Variants in PDE9A observed in about 807,000 individuals in gnomAD.
The protein encoded by PDE9A is phosphodiesterase 9A.
Under a neutral mutation model 87.4 loss-of-function variants are expected in PDE9A, and 60 were observed. That is an observed-to-expected ratio of 0.69 (90% confidence interval 0.56 to 0.85). The LOEUF is 0.85. Among genes scored for constraint, PDE9A ranks in the 40% least tolerant of loss-of-function variants. PDE9A has a pLI of 0.00. For missense variants in PDE9A, 665 were observed against 779.0 expected (o/e 0.85, Z 1.74); for synonymous variants, 272 against 279.4 (o/e 0.97, Z 0.27).
chr21:42,724,230 C>T (rs2050806815), intron 4 of PDE9A, among the ~76,000 whole-genome samples: 1 of 152,130 alleles, frequency 6.6e-6, no homozygotes, highest in Non-Finnish European at 1.5e-5. Context: ...GTGGTGGAAG[C>T]AGGAAGGGGA....
intron 4 of PDE9A, among the ~76,000 whole-genome samples, chr21:42,728,602 A>G (rs1364421395): frequency 6.6e-6 from 1 of 152,112 alleles, no homozygotes; most frequent in East Asian, 1.9e-4. Context: ...TTGCTATTTC[A>G]TTAGTGATTT....
chr21:42,744,664 G>A (rs1246780267), intron 8 of PDE9A, among the ~76,000 whole-genome samples: 1 of 152,166 alleles, frequency 6.6e-6, no homozygotes, highest in Non-Finnish European at 1.5e-5. Flanking sequence ...GGCCCAGTGA[G>A]CTGTGACTCG....
At chr21:42,772,551 A>C in intron 19 of PDE9A, 31 bp downstream of exon 19, 4 of 1,394,244 alleles carry the variant, frequency 2.9e-6, no homozygotes, top group Non-Finnish European at 4.0e-6. Flanking sequence ...GTGGCATCTC[A>C]GCGCATACAA....
intron 17 of PDE9A, among the ~76,000 whole-genome samples, chr21:42,769,406 C>G (rs111167027): frequency 0.43 from 62,716 of 145,122 alleles, 13,872 homozygotes; most frequent in African/African-American, 0.59. Context: ...TGCACACACA[C>G]GGCACACACA....
chr21:42,755,105 C>T (rs2054890831), intron 10 of PDE9A, among the ~76,000 whole-genome samples: 1 of 152,244 alleles, frequency 6.6e-6, no homozygotes, highest in African/African-American at 2.4e-5. Flanking sequence ...CAGACCTCGG[C>T]CTCAGCTGTT....
At chr21:42,749,769 G>C (rs1004885068) in intron 8 of PDE9A, among the ~76,000 whole-genome samples, 3 of 152,210 alleles carry the variant, frequency 2.0e-5, no homozygotes, top group African/African-American at 7.2e-5. Flanking sequence ...GAGCAACTTG[G>C]GATGAGTTCA....
In PDE9A at chr21:42,688,208, G is replaced by A. The variant is rs536334521; in HGVS notation, c.218+214G>A. On this transcript the variant is annotated intron_variant, in intron 3 of 19. Transcript: ENST00000291539. ...ACGTTCCAAGATAACAATTGCAGCC[G>A]TGGCTCTGCACCTGCTTCTCAACGG... Among the ~76,000 whole-genome samples the A allele has an allele frequency of 2.1e-3, 316 of 152,282 alleles. 3 individuals carry two copies. The highest frequency in any genetic ancestry group is 6.4e-3 in the African/African-American group (266 of 41,562).
Position 42,660,229 on chromosome 21 carries a change from A to G in PDE9A, c.69+6346A>G, listed in dbSNP as rs1339095987. 6.6e-6 allele frequency among the ~76,000 whole-genome samples: 1 copy of G among 152,196 alleles called. No homozygotes were observed. The highest frequency in any genetic ancestry group is 1.5e-5 in the Non-Finnish European group (1 of 68,022). ...GGCCCAGAGAGCCCCCAGAGACCAG[A>G]CGGCACAGCCCGATAGCTGGGCCTG... On this transcript the variant is annotated intron_variant, in intron 1 of 19. Coordinates refer to ENST00000291539, the MANE Select transcript of PDE9A (RefSeq NM_002606.3). This position sits in a 1 kb window ranked among gnomAD's most constrained non-coding sequence, Gnocchi z 4.7.
In PDE9A at chr21:42,705,573, C is replaced by T. The variant is rs543419016; in HGVS notation, c.262+6562C>T. ...CCATGGGTCCGTGTGATCTCATGACCGTATCAAGGGGATTGTGTCTTTTTG... is the reference window on the plus strand; with the variant it reads ...CCATGGGTCCGTGTGATCTCATGACTGTATCAAGGGGATTGTGTCTTTTTG... On this transcript the variant is annotated intron_variant, in intron 4 of 19. Coordinates refer to ENST00000291539, the MANE Select transcript of PDE9A (RefSeq NM_002606.3). This position sits in a 1 kb window ranked among gnomAD's most constrained non-coding sequence, Gnocchi z 4.3. 2.1e-4 allele frequency among the ~76,000 whole-genome samples: 32 copies of T among 152,200 alleles called. No individual in the cohort carries two copies. The highest frequency in any genetic ancestry group is 7.7e-4 in the African/African-American group (32 of 41,520).
At chr21:42,763,595 T>C (rs2056051930) in intron 14 of PDE9A, among the ~76,000 whole-genome samples, 1 of 152,164 alleles carries the variant, frequency 6.6e-6, no homozygotes. Context: ...TGTGAGAGAA[T>C]GAGTTTGTTG....
chr21:42,765,468 T>C lies in PDE9A; in HGVS notation c.1330T>C (p.Tyr444His), dbSNP rs1280441076. The C allele has an allele frequency of 1.2e-6, 2 of 1,609,930 alleles. No homozygotes were observed. The highest frequency in any genetic ancestry group is 1.7e-5 in the Admixed American group (1 of 60,016). The change falls in exon 15 of 20, where the codon TAC (tyrosine) becomes CAC (histidine). Residue 444 changes from tyrosine (Y) to histidine (H), a missense_variant. By Grantham distance (83) the Tyr-to-His change is moderately conservative. Transcript: ENST00000291539. ...CAAAGAGAAAATGGAGAATTTTGACTACAGCAACGAGGAGCACATGACCCT... is the reference window on the plus strand; with the variant it reads ...CAAAGAGAAAATGGAGAATTTTGACCACAGCAACGAGGAGCACATGACCCT... ...SFKEKMENFD[Y>H]SNEEHMTLLK...
intron 10 of PDE9A, chr21:42,757,692 G>A (rs1228835798): frequency 6.6e-6 from 1 of 152,150 alleles, no homozygotes; most frequent in Admixed American, 6.5e-5. Context: ...TGGGACCTCG[G>A]TCCCTGGTGT....
chr21:42,739,375 A>G lies in PDE9A; in HGVS notation c.569-4401A>G, dbSNP rs1163459035. Among the ~76,000 whole-genome samples the G allele has an allele frequency of 6.6e-6, 1 of 152,058 alleles. No individual in the cohort carries two copies. The highest frequency in any genetic ancestry group is 2.4e-5 in the African/African-American group (1 of 41,384). On this transcript the variant is annotated intron_variant, in intron 7 of 19. Coordinates refer to ENST00000291539, the MANE Select transcript of PDE9A (RefSeq NM_002606.3). The surrounding 1 kb of genome is among the most constrained non-coding windows in gnomAD (Gnocchi z 4.1). ...GTGGGTCGAAGAGGGGAGCTGTGGA[A>G]TCTTCCCCAAAGCAGCCGGGTGTCC...
chr21:42,678,138 T>C (rs2058956851), intron 1 of PDE9A, among the ~76,000 whole-genome samples: 1 of 152,230 alleles, frequency 6.6e-6, no homozygotes, highest in African/African-American at 2.4e-5. Flanking sequence ...CAGGGTCTGC[T>C]CTTCCCTTCC....
rs747064555 is a variant in PDE9A at position 42,733,417 on chromosome 21, C to G, written c.559C>G (p.Arg187Gly). 3 of 1,590,896 alleles carry G rather than the reference C, an allele frequency of 1.9e-6. No homozygotes were observed. In the East Asian group the frequency reaches 6.7e-5, roughly 35 times the overall value. Residue 187 changes from arginine (R) to glycine (G), a missense_variant, in exon 7 of 20, where the codon CGC (arginine) becomes GGC (glycine). Coordinates refer to ENST00000291539, the MANE Select transcript of PDE9A (RefSeq NM_002606.3). The stretch of plus-strand genomic sequence containing the variant: ...AAATCACTTGGCTGTCCTAGAGAAA[C>G]GCGTGGAATGTGAGTGACGTTTCTG... ...VANHLAVLEK[R>G]VELEGLKVVE...
At chr21:42,693,541 C>T (rs538149232) in intron 3 of PDE9A, among the ~76,000 whole-genome samples, 4 of 151,360 alleles carry the variant, frequency 2.6e-5, no homozygotes, top group Middle Eastern at 3.4e-3. Context: ...CCACCTGCCT[C>T]GGCCCCCCAG....
At chr21:42,751,598 A>T (rs2054431299) in intron 9 of PDE9A, among the ~76,000 whole-genome samples, 1 of 152,228 alleles carries the variant, frequency 6.6e-6, no homozygotes. Context: ...TCTTTTGCAC[A>T]AAAGTGTTCT....
In PDE9A at chr21:42,686,251, C is replaced by G; in HGVS notation, c.129C>G (p.Thr43=). The change falls in exon 2 of 20, where the codon ACC becomes ACG. Residue 43 remains threonine, a synonymous_variant. Transcript: ENST00000291539. ...TCATGGACCTGTTCTGCATCGCCACCGGCCTGCCTCGGTGAGTGCGCGCTG... is the reference window on the plus strand; with the variant it reads ...TCATGGACCTGTTCTGCATCGCCACGGGCCTGCCTCGGTGAGTGCGCGCTG... ...SDIMDLFCIA[T]GLPRNTTISL... is the part of the protein sequence containing the mutation. The G allele has an allele frequency of 6.2e-7, 1 of 1,612,990 alleles. No homozygotes were observed. Among genetic ancestry groups the G allele is most frequent in the Non-Finnish European group, 8.5e-7 (1 of 1,179,048 alleles).
At chr21:42,706,724 G>A (rs1324710410) in intron 4 of PDE9A, among the ~76,000 whole-genome samples, 3 of 151,910 alleles carry the variant, frequency 2.0e-5, no homozygotes, top group African/African-American at 7.3e-5. Flanking sequence ...TTTAATTCCA[G>A]AACATTTCCA....
Sources: gnomAD v4.1 joint callset for allele counts (sites outside exome capture counted in the v4.1 genomes callset) on GRCh38, gnomAD v4.1.1 for gene constraint, Gnocchi (gnomAD v3.1) non-coding constraint, MANE v1.5 for transcripts, NCBI Gene and HGNC (gene_info 2026-07-23, HGNC 2026-07-21) for gene names.